Variants in BICDL2 observed in about 807,000 individuals in gnomAD.
BICDL2 encodes BICD family like cargo adaptor 2.
Under a neutral mutation model 56.6 loss-of-function variants are expected in BICDL2, and 62 were observed. That is an observed-to-expected ratio of 1.10 (90% CI 0.89 to 1.35). BICDL2 has a LOEUF of 1.35. BICDL2 is among the 40% of genes most tolerant of loss of function. The pLI, the probability that BICDL2 is intolerant of heterozygous loss-of-function variation, is 0.00. For missense variants in BICDL2, 808 were observed against 684.5 expected (o/e 1.18, Z -2.01); for synonymous variants, 358 against 319.8 (o/e 1.12, Z -1.27).
intron 2 of BICDL2, chr16:3,031,479 G>C (rs1955653992): frequency 3.8e-6 from 2 of 526,492 alleles, no homozygotes; most frequent in Admixed American, 6.9e-5. Context: ...GTCTGGCAGA[G>C]TTCAAGCCCC....
chr16:3,035,690 A>G, intron 1 of BICDL2, 164 bp from the exon 2 acceptor site: 1 of 620,518 alleles, frequency 1.6e-6, no homozygotes, highest in South Asian at 2.0e-5. Flanking sequence ...AGTTCCGTTA[A>G]TGTCCCTGGG....
At chr16:3,031,877 G>A (rs1272630259) in intron 2 of BICDL2, 1 of 234,838 alleles carries the variant, frequency 4.3e-6, no homozygotes, top group East Asian at 8.1e-5. Context: ...AAGCTCAAGA[G>A]TTGCTAAGTG....
rs1301720239 is a variant in BICDL2 at position 3,030,461 on chromosome 16, C to T, written c.750G>A (p.Glu250=). 1.3e-6 allele frequency: 2 copies of T among 1,588,298 alleles called. No individual in the cohort carries two copies. The highest frequency in any genetic ancestry group is 1.3e-5 in the African/African-American group (1 of 74,588). The stretch of plus-strand genomic sequence containing the variant: ...CCCTGCAGGTCACCTCCAGGCTGTG[C>T]TCCCGCCGCTCCCGCCTCAGCAGCA... The part of the protein sequence containing the change: ...ELLLLRRERR[E]HSLELERARS... The change falls in exon 5 of 10, where the codon GAG becomes GAA. Residue 250 remains glutamate (E), a synonymous_variant. Transcript: ENST00000572449.
Position 3,035,177 on chromosome 16 carries a change from G to GACCCCCC in BICDL2, c.282+37_282+38insGGGGGGT. On this transcript the variant is annotated intron_variant, in intron 2 of 9. Transcript: ENST00000572449. Reference sequence around the variant, plus strand: ...TCTCCAGGCCCACCCGTCCTCCCCTGCCCACCCACCCACCCACCCCGTCCA... The same window carrying GACCCCCC: ...TCTCCAGGCCCACCCGTCCTCCCCTGACCCCCCCCCACCCACCCACCCACCCCGTCCA... 1.7e-5 allele frequency: 2 copies of GACCCCCC among 118,826 alleles called. 1 individual carries two copies. The highest frequency in any genetic ancestry group is 3.1e-5 in the Non-Finnish European group (2 of 63,916). 7.4% of individuals were successfully genotyped at this position (118,826 alleles called of 1,614,324 possible).
At chr16:3,030,234 C>G (rs529635134) in intron 5 of BICDL2, 202 of 609,606 alleles carry the variant, frequency 3.3e-4, no homozygotes, top group African/African-American at 3.1e-3. Flanking sequence ...CCCCTCCCTG[C>G]TCTTCCAGCT....
chr16:3,030,631 C>G, intron 4 of BICDL2, 36 bp from the exon 5 acceptor site: 1 of 1,592,588 alleles, frequency 6.3e-7, no homozygotes, highest in Non-Finnish European at 8.5e-7. Context: ...ACAGGGGCAG[C>G]CCCTCCCAGC....
chr16:3,028,067 GC>G lies in BICDL2; in HGVS notation c.*38del. 7.2e-7 allele frequency: 1 copy of G among 1,396,678 alleles called. No homozygotes were observed. The highest frequency in any genetic ancestry group is 9.3e-7 in the Non-Finnish European group (1 of 1,076,990). 86.5% of individuals were successfully genotyped at this position (1,396,678 alleles called of 1,614,324 possible). Reference sequence around the variant, plus strand: ...TCCATTGGCCTGAAGAGGAAAGTGAGCCCCTAAGTGGGCAAGGGCAGCCCTC... The same window carrying G: ...TCCATTGGCCTGAAGAGGAAAGTGAGCCCTAAGTGGGCAAGGGCAGCCCTC... On this transcript the variant is annotated 3_prime_UTR_variant, in exon 10 of 10. Coordinates refer to ENST00000572449, the MANE Select transcript of BICDL2 (RefSeq NM_001369667.1).
intron 2 of BICDL2, chr16:3,034,774 T>G (rs1369678854): frequency 6.2e-6 from 1 of 160,384 alleles, no homozygotes; most frequent in East Asian, 1.8e-4. Flanking sequence ...CATAGAATCA[T>G]AGCTTACTGC....
rs1298046062 is a variant in BICDL2, at chr16:3,028,372, G to C, written c.1335C>G (p.Leu445=). ...CCTGCCAGGCCTCCAGCTCCTGCGT[G>C]AGCGCCACCTTCTGGCGGATGGCGC... is the stretch of plus-strand genomic sequence containing the variant. The part of the protein sequence containing the change: ...LLRAIRQKVA[L]TQELEAWQDD... The change falls in exon 9 of 10, where the codon CTC becomes CTG. Residue 445 remains leucine, a synonymous_variant. Transcript: ENST00000572449. 1 of 1,550,952 alleles carries C rather than the reference G, an allele frequency of 6.4e-7. No homozygotes were observed. The highest frequency in any genetic ancestry group is 1.9e-5 in the Admixed American group (1 of 53,034).
chr16:3,029,145 T>G lies in BICDL2; in HGVS notation c.1107+135A>C, dbSNP rs1955609144. On this transcript the variant is annotated intron_variant, in intron 7 of 9. Transcript: ENST00000572449. ...GAGGAGGTGGCATACAGGCTGGCTC[T>G]TGAAGTAAGTTTGTTGAGATGAAAG... 17 of 1,152,372 alleles carry G rather than the reference T, an allele frequency of 1.5e-5. No homozygotes were observed. In the South Asian group the frequency reaches 2.5e-4, roughly 17 times the overall value. The allele number at this position is 1,152,372 out of a possible 1,614,324, so 71.4% of individuals were successfully genotyped here.
intron 2 of BICDL2, among the ~76,000 whole-genome samples, chr16:3,034,526 GCCA>G (rs1955700539): frequency 6.6e-6 from 1 of 151,974 alleles, no homozygotes; most frequent in African/African-American, 2.4e-5. Flanking sequence ...AAGTGATCCA[GCCA>G]CCTCAGCCTC....
rs778268028 is a variant in BICDL2 at position 3,035,248 on chromosome 16, C to T, written c.249G>A (p.Glu83=). Residue 83 remains glutamate, a synonymous_variant, in exon 2 of 10, where the codon GAG becomes GAA. Transcript: ENST00000572449. The part of the protein sequence containing the change: ...ERNEELRRQL[E]TLSAQHLERE... ...GCTCCAAGTGCTGGGCGCTCAGCGT[C>T]TCCAGCTGCCGCCGCAGCTCTTCAT... 1.4e-5 allele frequency: 21 copies of T among 1,536,002 alleles called. No homozygotes were observed. In the South Asian group the frequency reaches 2.3e-4, roughly 17 times the overall value.
intron 1 of BICDL2, chr16:3,036,559 C>A: frequency 2.2e-6 from 1 of 452,022 alleles, no homozygotes; most frequent in Non-Finnish European, 4.4e-6. Flanking sequence ...CCCAGCCGCC[C>A]CCAGGCCGCT....
At chr16:3,032,118 G>T (rs2151143084) in intron 2 of BICDL2, 1 of 152,332 alleles carries the variant, frequency 6.6e-6, no homozygotes, top group Non-Finnish European at 1.5e-5. Flanking sequence ...TTTCTTAGGA[G>T]AGACGGGGTT....
Position 3,027,691 on chromosome 16 carries a change from T to TA in BICDL2, c.*414dup. 1 of 1,570,252 alleles carries TA rather than the reference T, an allele frequency of 6.4e-7. No homozygotes were observed. ...GACACCCCCAGCCAGCTCAGGGTTT[T>TA]AGAGTGTTTTTCATTTTCTTTTTTT... On this transcript the variant is annotated 3_prime_UTR_variant, in exon 10 of 10. Transcript: ENST00000572449.
rs183819706 is a variant in BICDL2, at chr16:3,031,358, G to A, written c.283-208C>T. On this transcript the variant is annotated intron_variant, in intron 2 of 9. Coordinates refer to ENST00000572449, the MANE Select transcript of BICDL2 (RefSeq NM_001369667.1). ...AGGGAAGGTTCCGAGCAGACAGGAC[G>A]CGTGGGCCCGGGGCAAGGGTTGGGG... The A allele has an allele frequency of 1.2e-3, 724 of 587,640 alleles. 4 individuals are homozygous for A. In the East Asian group the frequency reaches 0.014, roughly 12 times the overall value. The allele number at this position is 587,640 out of a possible 1,614,324, so 36.4% of individuals were successfully genotyped here.
chr16:3,033,699 T>C (rs758319603), intron 2 of BICDL2, among the ~76,000 whole-genome samples: 32 of 151,834 alleles, frequency 2.1e-4, no homozygotes, highest in Non-Finnish European at 3.8e-4. Flanking sequence ...ATGGGAGGAT[T>C]GCTTGAGCTC....
At chr16:3,029,499 C>T in intron 6 of BICDL2, 46 bp downstream of exon 6, 1 of 1,570,718 alleles carries the variant, frequency 6.4e-7, no homozygotes, top group Non-Finnish European at 8.6e-7. Flanking sequence ...GAGCCTGCAA[C>T]CCTCTCGATG....
intron 1 of BICDL2, chr16:3,036,340 G>C (rs1955732837): frequency 2.3e-6 from 1 of 443,806 alleles, no homozygotes; most frequent in Non-Finnish European, 4.5e-6. Flanking sequence ...TCCGCCCCTG[G>C]GGACGGGAGC....
Sources: allele counts gnomAD v4.1 joint callset (sites outside exome capture counted in the v4.1 genomes callset), GRCh38; gene constraint gnomAD v4.1.1; transcripts MANE v1.5; gene names NCBI Gene and HGNC (gene_info 2026-07-23, HGNC 2026-07-21).